The following NRXN3 variants were observed in gnomAD, a reference collection of about 807,000 sequenced individuals.
NRXN3 encodes neurexin 3.
A neutral mutation model predicts 137.6 loss-of-function variants in NRXN3; 32 were observed. The observed-to-expected ratio is 0.23, with a 90% CI of 0.18 to 0.31. The LOEUF (loss-of-function observed/expected upper bound fraction) is 0.31. Ranked by LOEUF, NRXN3 falls within the 10% of genes least tolerant of loss-of-function variation. The probability of loss-of-function intolerance (pLI) is 1.00; values close to 1 mark genes in which losing one functional copy is unlikely to be tolerated. For synonymous variants in NRXN3, 798 were observed against 784.5 expected (o/e 1.02, Z -0.29); for missense variants, 1,574 against 2,062.5 (o/e 0.76, Z 4.59).
intron 19 of NRXN3, among the ~76,000 whole-genome samples, chr14:79,778,528 A>G (rs1447339040): frequency 6.6e-6 from 1 of 152,174 alleles, no homozygotes; most frequent in Non-Finnish European, 1.5e-5. Flanking sequence ...AACTAGATAA[A>G]CCTGGAAAAT....
chr14:78,254,918 T>C (rs914070745), intron 2 of NRXN3, among the ~76,000 whole-genome samples: 2 of 152,212 alleles, frequency 1.3e-5, no homozygotes, highest in African/African-American at 4.8e-5. Context: ...GAGACAGGCC[T>C]TGGAAGCACA....
chr14:79,143,245 A>G (rs1438379949), intron 15 of NRXN3, among the ~76,000 whole-genome samples: 1 of 152,226 alleles, frequency 6.6e-6, no homozygotes, highest in Admixed American at 6.5e-5. Flanking sequence ...TTAAATCTAT[A>G]TATAGTTATA....
intron 16 of NRXN3, among the ~76,000 whole-genome samples, chr14:79,534,811 A>G (rs187405847): frequency 1.3e-5 from 2 of 152,346 alleles, no homozygotes; most frequent in African/African-American, 4.8e-5. Context: ...AATTTGTATG[A>G]CAATGAATCA....
chr14:78,272,061 A>G (rs2072847950), intron 2 of NRXN3, among the ~76,000 whole-genome samples: 1 of 151,988 alleles, frequency 6.6e-6, no homozygotes, highest in Non-Finnish European at 1.5e-5. Flanking sequence ...TCAATAGGCC[A>G]CTGGGGAGGT....
chr14:78,954,386 T>C (rs1471356167), intron 10 of NRXN3, among the ~76,000 whole-genome samples: 2 of 152,210 alleles, frequency 1.3e-5, no homozygotes, highest in Non-Finnish European at 2.9e-5. Flanking sequence ...AATCTTTTTT[T>C]TTCTACTTTA....
At chr14:78,574,621 G>A (rs2096919366) in intron 4 of NRXN3, among the ~76,000 whole-genome samples, 1 of 152,224 alleles carries the variant, frequency 6.6e-6, no homozygotes, top group Admixed American at 6.5e-5. Context: ...TTTCTCCCAT[G>A]TGGAATAGGT....
intron 19 of NRXN3, among the ~76,000 whole-genome samples, chr14:79,740,679 A>T (rs1439089706): frequency 3.2e-5 from 4 of 125,020 alleles, no homozygotes; most frequent in African/African-American, 1.2e-4. Flanking sequence ...CTTATTAACT[A>T]CTGCCTTTCC....
At chr14:78,890,702 T>C (rs1412729811) in intron 10 of NRXN3, among the ~76,000 whole-genome samples, 1 of 151,954 alleles carries the variant, frequency 6.6e-6, no homozygotes, top group Admixed American at 6.6e-5. Context: ...GGTCCAATCC[T>C]ATAGATCCCA....
chr14:78,350,996 G>C (rs1196350950), intron 4 of NRXN3, among the ~76,000 whole-genome samples: 1 of 152,010 alleles, frequency 6.6e-6, no homozygotes, highest in Non-Finnish European at 1.5e-5. Flanking sequence ...TACAGGTAAA[G>C]TTTCTCCACT....
intron 8 of NRXN3, among the ~76,000 whole-genome samples, chr14:78,772,908 G>A (rs1046400475): frequency 5.3e-5 from 8 of 152,072 alleles, no homozygotes; most frequent in Admixed American, 1.3e-4. Context: ...ATTCTAACTC[G>A]GAGGAAGTTC....
chr14:78,343,668 A>C (rs2082384536), intron 4 of NRXN3, among the ~76,000 whole-genome samples: 1 of 152,214 alleles, frequency 6.6e-6, no homozygotes, highest in South Asian at 2.1e-4. Flanking sequence ...TCAATTAAAA[A>C]TCTGGTGCTT....
chr14:78,570,434 GT>G (rs1566777771), intron 4 of NRXN3, among the ~76,000 whole-genome samples: 1 of 152,228 alleles, frequency 6.6e-6, no homozygotes, highest in Non-Finnish European at 1.5e-5. Context: ...CCCAGATGGA[GT>G]AAGCCAACCT....
At chr14:79,650,023 G>A (rs2098468777) in intron 16 of NRXN3, among the ~76,000 whole-genome samples, 1 of 152,120 alleles carries the variant, frequency 6.6e-6, no homozygotes, top group South Asian at 2.1e-4. Flanking sequence ...GAGAAATCAT[G>A]CCTAATGTCT....
intron 15 of NRXN3, among the ~76,000 whole-genome samples, chr14:79,210,909 C>T (rs1157062518): frequency 2.6e-5 from 4 of 152,120 alleles, no homozygotes; most frequent in Admixed American, 6.5e-5. Flanking sequence ...GCTCTTTAAA[C>T]GATCCTTTTT....
At chr14:79,459,638 A>T (rs1275420419) in intron 15 of NRXN3, among the ~76,000 whole-genome samples, 1 of 152,088 alleles carries the variant, frequency 6.6e-6, no homozygotes, top group Non-Finnish European at 1.5e-5. Context: ...TAGCAAACTA[A>T]CACAGCAAAA....
At chr14:79,561,057 C>T (rs567999097) in intron 16 of NRXN3, among the ~76,000 whole-genome samples, 8 of 152,236 alleles carry the variant, frequency 5.3e-5, no homozygotes, top group South Asian at 2.1e-4. Context: ...TGCCACCATC[C>T]GGCTGGTAAT....
chr14:78,787,379 G>A (rs1264862814), intron 8 of NRXN3, among the ~76,000 whole-genome samples: 1 of 152,096 alleles, frequency 6.6e-6, no homozygotes, highest in African/African-American at 2.4e-5. Flanking sequence ...GAAATCAAAA[G>A]CGTTAACCAC....
At chr14:78,649,912 T>C in intron 5 of NRXN3, among the ~76,000 whole-genome samples, 1 of 152,182 alleles carries the variant, frequency 6.6e-6, no homozygotes, top group East Asian at 1.9e-4. Flanking sequence ...CTGCATGGCA[T>C]GTTCCTGTCT....
chr14:79,109,847 C>T (rs765961178), intron 15 of NRXN3, among the ~76,000 whole-genome samples: 2 of 152,004 alleles, frequency 1.3e-5, no homozygotes, highest in Non-Finnish European at 2.9e-5. Context: ...TTCCCAGTAC[C>T]TACAATAAAG....
Sources: allele counts gnomAD v4.1 joint callset (sites outside exome capture counted in the v4.1 genomes callset), GRCh38; gene constraint gnomAD v4.1.1; transcripts MANE v1.5; gene names NCBI Gene and HGNC (gene_info 2026-07-23, HGNC 2026-07-21).